Variants in FCHO2 observed in about 807,000 individuals in gnomAD.
FCHO2 encodes F-BAR domain only protein 2.
Under a neutral mutation model 114.1 loss-of-function variants are expected in FCHO2, and 43 were observed. That is an observed-to-expected ratio of 0.38 (90% CI 0.30 to 0.49). FCHO2 has a LOEUF of 0.49. Ranked by LOEUF, FCHO2 falls within the 20% of genes least tolerant of loss-of-function variation. The pLI, the probability that FCHO2 is intolerant of heterozygous loss-of-function variation, is 0.97. For missense variants in FCHO2, 807 were observed against 950.4 expected (o/e 0.85, Z 1.98); for synonymous variants, 293 against 315.2 (o/e 0.93, Z 0.75).
intron 5 of FCHO2, among the ~76,000 whole-genome samples, chr5:72,999,967 A>T (rs994784937): frequency 1.3e-5 from 2 of 152,222 alleles, no homozygotes; most frequent in African/African-American, 4.8e-5. Context: ...CAAATGCTCC[A>T]GCTTCCCTTT....
rs77854534 is a variant in FCHO2 at position 73,052,725 on chromosome 5, G to C, written c.1173+218G>C. 7.6e-4 allele frequency: 351 copies of C among 460,890 alleles called. 4 individuals are homozygous for C. Among genetic ancestry groups the C allele is most frequent in the African/African-American group, 6.2e-3 (309 of 49,646 alleles). The allele number at this position is 460,890 out of a possible 1,614,324, so 28.6% of individuals were successfully genotyped here. ...CAAAAATTTACTATTTCTGCCATTTGTTGCATTTCATAAACAGTGCTGTGT... is the reference window on the plus strand; with the variant it reads ...CAAAAATTTACTATTTCTGCCATTTCTTGCATTTCATAAACAGTGCTGTGT... On this transcript the variant is annotated intron_variant, in intron 13 of 25. Transcript: ENST00000430046.
intron 5 of FCHO2, among the ~76,000 whole-genome samples, chr5:73,005,801 TAAATA>T (rs1216471825): frequency 6.6e-6 from 1 of 152,184 alleles, no homozygotes; most frequent in African/African-American, 2.4e-5. Flanking sequence ...TTTTTTTAAT[TAAATA>T]AGTAACTTAT....
At chr5:72,977,999 C>T (rs566587715) in intron 2 of FCHO2, among the ~76,000 whole-genome samples, 3 of 152,266 alleles carry the variant, frequency 2.0e-5, no homozygotes, top group South Asian at 4.2e-4. Flanking sequence ...GGTACCAGTA[C>T]CATGCTGTTT....
chr5:72,963,599 G>A (rs1751996336), intron 1 of FCHO2, among the ~76,000 whole-genome samples: 1 of 151,856 alleles, frequency 6.6e-6, no homozygotes, highest in Non-Finnish European at 1.5e-5. Flanking sequence ...CTGGAGTGCA[G>A]TGGCCCCATC....
chr5:72,980,035 G>T (rs1181513155), intron 2 of FCHO2, among the ~76,000 whole-genome samples: 1 of 152,104 alleles, frequency 6.6e-6, no homozygotes, highest in Non-Finnish European at 1.5e-5. Flanking sequence ...TAATTGTGAT[G>T]TTAGGGTGTC....
rs931844715 is a variant in FCHO2 at position 73,051,660 on chromosome 5, G to A, written c.997+254G>A. Among the ~76,000 whole-genome samples, 3 of 151,686 alleles carry A rather than the reference G, an allele frequency of 2.0e-5. No individual in the cohort carries two copies. In the East Asian group the frequency reaches 5.8e-4, roughly 30 times the overall value. On this transcript the variant is annotated intron_variant, in intron 12 of 25. Coordinates refer to ENST00000430046, the MANE Select transcript of FCHO2 (RefSeq NM_138782.3). The stretch of plus-strand genomic sequence containing the variant: ...CAGCTCACTGCAGCCTCTGCCTCCC[G>A]GGTTTCAGCGATTCTTCTGCCTCAG...
chr5:73,057,536 A>AT (rs1757653403), intron 16 of FCHO2, among the ~76,000 whole-genome samples: 1 of 152,162 alleles, frequency 6.6e-6, no homozygotes, highest in Non-Finnish European at 1.5e-5. Flanking sequence ...ATTTCCTAAA[A>AT]TTTTTTAAAA....
chr5:73,058,227 TCTTGAA>T (rs1757691928), intron 16 of FCHO2, among the ~76,000 whole-genome samples, 200 bp from the exon 17 acceptor site: 2 of 152,014 alleles, frequency 1.3e-5, no homozygotes, highest in African/African-American at 2.4e-5. Context: ...CTAGGCTTGA[TCTTGAA>T]CTCCTAGTCT....
Position 73,015,560 on chromosome 5 carries a change from A to G in FCHO2, c.601-66A>G, listed in dbSNP as rs1302989290. 4 of 962,600 alleles carry G rather than the reference A, an allele frequency of 4.2e-6. No individual in the cohort carries two copies. The East Asian group carries it at 1.2e-4, about 28-fold the overall frequency. The allele number at this position is 962,600 out of a possible 1,614,324, so 59.6% of individuals were successfully genotyped here. A position where few individuals can be genotyped will look rare whatever the true frequency, so the allele number is the denominator to read the frequency against. ...GAGATGATTTCTGAAAGCTCTTTTG[A>G]TTCCAGAATATATATGTATGTACCT... is the stretch of plus-strand genomic sequence containing the variant. On this transcript the variant is annotated intron_variant, in intron 6 of 25. Transcript: ENST00000430046.
chr5:73,008,943 G>T (rs897033721), intron 6 of FCHO2, among the ~76,000 whole-genome samples: 35 of 152,150 alleles, frequency 2.3e-4, no homozygotes, highest in African/African-American at 7.7e-4. Flanking sequence ...TTTGAATAAG[G>T]ATTATCAGAC....
intron 10 of FCHO2, among the ~76,000 whole-genome samples, chr5:73,037,453 C>G (rs1242270785): frequency 6.6e-6 from 1 of 151,856 alleles, no homozygotes; most frequent in African/African-American, 2.4e-5. Flanking sequence ...GCTTTAATGT[C>G]TAGAAATGGA....
chr5:73,031,434 A>G (rs1008332777), intron 8 of FCHO2, among the ~76,000 whole-genome samples: 1 of 152,164 alleles, frequency 6.6e-6, no homozygotes, highest in Non-Finnish European at 1.5e-5. Flanking sequence ...TGTCCTGTTG[A>G]TGGCCTGAGA....
At chr5:73,030,684 A>C (rs977184254) in intron 8 of FCHO2, among the ~76,000 whole-genome samples, 2 of 152,194 alleles carry the variant, frequency 1.3e-5, no homozygotes, top group African/African-American at 4.8e-5. Context: ...AAATGCAAAT[A>C]TTTGAGCTCC....
chr5:73,023,398 C>A (rs1755736102), intron 8 of FCHO2, among the ~76,000 whole-genome samples: 1 of 152,026 alleles, frequency 6.6e-6, no homozygotes, highest in African/African-American at 2.4e-5. Context: ...CATAAGGGGG[C>A]CTTAAAATTA....
At chr5:73,085,077 G>A (rs1176424713) in intron 24 of FCHO2, among the ~76,000 whole-genome samples, 1 of 152,200 alleles carries the variant, frequency 6.6e-6, no homozygotes, top group Non-Finnish European at 1.5e-5. Flanking sequence ...CAGGCTGGGT[G>A]CAGTGGCTCA....
At position 73,081,821 on chromosome 5, in the gene FCHO2, T is replaced by A. The variant is rs1743103378; in HGVS notation, c.2019T>A (p.Leu673=). The A allele has an allele frequency of 1.2e-6, 2 of 1,602,598 alleles. No homozygotes were observed. Among genetic ancestry groups the A allele is most frequent in the African/African-American group, 1.3e-5 (1 of 74,652 alleles). The change falls in exon 23 of 26, where the codon CTT becomes CTA. Residue 673 remains leucine, a synonymous_variant. Coordinates refer to ENST00000430046, the MANE Select transcript of FCHO2 (RefSeq NM_138782.3). ...GTATTCAGTCCACTCCTCTGAATCT[T>A]GCAACATACTGGAAATGTAGTGCTA... is the stretch of plus-strand genomic sequence containing the variant. ...SNGIQSTPLN[L]ATYWKCSAST... is the part of the protein sequence containing the mutation.
In FCHO2 at chr5:73,085,843, G is replaced by A. The variant is rs868540516; in HGVS notation, c.2246-1746G>A. 3.2e-4 allele frequency among the ~76,000 whole-genome samples: 49 copies of A among 151,052 alleles called. 1 individual carries two copies. Among genetic ancestry groups the A allele is most frequent in the African/African-American group, 1.2e-3 (48 of 41,058 alleles). ...AAATAAATAAGAATGCTGTAAAATA[G>A]GCTGGGCACGGTGGCTCACACCTGA... On this transcript the variant is annotated intron_variant, in intron 24 of 25. Coordinates refer to ENST00000430046, the MANE Select transcript of FCHO2 (RefSeq NM_138782.3).
chr5:73,024,464 G>A (rs1334608481), intron 8 of FCHO2, among the ~76,000 whole-genome samples: 1 of 151,410 alleles, frequency 6.6e-6, no homozygotes, highest in African/African-American at 2.4e-5. Context: ...TTTGGAGTCG[G>A]AGTCTCGCTC....
chr5:72,962,236 G>C (rs745695339), intron 1 of FCHO2, among the ~76,000 whole-genome samples: 2 of 152,074 alleles, frequency 1.3e-5, no homozygotes, highest in Admixed American at 6.6e-5. Flanking sequence ...TCAGTTCAGG[G>C]GGAGGATTTT....
Sources: allele counts gnomAD v4.1 joint callset (sites outside exome capture counted in the v4.1 genomes callset), GRCh38; gene constraint gnomAD v4.1.1; transcripts MANE v1.5; gene names NCBI Gene and HGNC (gene_info 2026-07-23, HGNC 2026-07-21).